The following CHRM3 variants were observed in gnomAD, a reference collection of about 807,000 sequenced individuals.
CHRM3 encodes the protein cholinergic receptor muscarinic 3, also known as muscarinic acetylcholine receptor M3.
CHRM3 carries 11 observed loss-of-function variants against 41.8 expected under a neutral mutation model. That is an observed-to-expected ratio of 0.26 (90% CI 0.17 to 0.44). The LOEUF (loss-of-function observed/expected upper bound fraction) is 0.44, where lower values mean the gene tolerates loss of function less well. CHRM3 is among the 20% of genes least tolerant of loss of function. The pLI is 1.00. For missense variants in CHRM3, 571 were observed against 745.4 expected (o/e 0.77, Z 2.72); for synonymous variants, 297 against 301.4 (o/e 0.99, Z 0.15).
intron 2 of CHRM3, among the ~76,000 whole-genome samples, chr1:239,539,688 G>A (rs1485336535): frequency 6.6e-6 from 1 of 152,088 alleles, no homozygotes; most frequent in Admixed American, 6.6e-5. Flanking sequence ...GGAGTGCAGG[G>A]GCCCCATCTT....
chr1:239,760,899 G>C (rs538720067), intron 5 of CHRM3, among the ~76,000 whole-genome samples: 1 of 152,070 alleles, frequency 6.6e-6, no homozygotes, highest in Non-Finnish European at 1.5e-5. Flanking sequence ...GAATCTATGC[G>C]CTTGTCGTTT....
At chr1:239,487,349 A>G (rs192186575) in intron 1 of CHRM3, among the ~76,000 whole-genome samples, 83 of 152,312 alleles carry the variant, frequency 5.4e-4, no homozygotes, top group Middle Eastern at 3.4e-3. Flanking sequence ...TTGAAAATAA[A>G]TGAAAAACCG....
chr1:239,833,936 C>T (rs1673089525), intron 6 of CHRM3, among the ~76,000 whole-genome samples: 1 of 152,120 alleles, frequency 6.6e-6, no homozygotes, highest in East Asian at 1.9e-4. Flanking sequence ...AAACAATGAG[C>T]TGTTTTTCTT....
chr1:239,740,457 TG>T (rs1664740920), intron 5 of CHRM3, among the ~76,000 whole-genome samples: 1 of 151,306 alleles, frequency 6.6e-6, no homozygotes, highest in East Asian at 1.9e-4. Flanking sequence ...ACATTGAGGG[TG>T]GTTTTTTTTT....
chr1:239,596,355 T>A (rs1167969008), intron 3 of CHRM3, among the ~76,000 whole-genome samples: 1 of 152,238 alleles, frequency 6.6e-6, no homozygotes, highest in Non-Finnish European at 1.5e-5. Flanking sequence ...TATTTAATTT[T>A]TTTTTAAGTG....
rs57653333 is a variant in CHRM3, at chr1:239,442,146, GT to G, written c.-520-50552del. Reference sequence around the variant, plus strand: ...TAAAGACAGTTTAAATATACGTTAGGTTTTTTTTTTTGAGATAGTTTTAATT... The same window carrying G: ...TAAAGACAGTTTAAATATACGTTAGGTTTTTTTTTTGAGATAGTTTTAATT... On this transcript the variant is annotated intron_variant, in intron 1 of 6. Coordinates refer to ENST00000676153, the MANE Select transcript of CHRM3 (RefSeq NM_001375978.1). 2.3e-3 allele frequency among the ~76,000 whole-genome samples: 340 copies of G among 149,484 alleles called. 2 individuals carry two copies. Among genetic ancestry groups the G allele is most frequent in the African/African-American group, 7.8e-3 (319 of 40,822 alleles).
At chr1:239,541,969 C>T (rs1353262050) in intron 2 of CHRM3, among the ~76,000 whole-genome samples, 1 of 152,148 alleles carries the variant, frequency 6.6e-6, no homozygotes, top group Non-Finnish European at 1.5e-5. Context: ...GAAGGAAATT[C>T]CTCTATTCAA....
chr1:239,861,377 G>T (rs1167578469), intron 6 of CHRM3, among the ~76,000 whole-genome samples: 1 of 152,082 alleles, frequency 6.6e-6, no homozygotes, highest in Non-Finnish European at 1.5e-5. Context: ...AAGGATAATT[G>T]TGTATTAACT....
intron 1 of CHRM3, among the ~76,000 whole-genome samples, chr1:239,403,116 A>G (rs1366318618): frequency 1.3e-5 from 2 of 152,208 alleles, no homozygotes; most frequent in Non-Finnish European, 2.9e-5. Context: ...CTTTAAATAA[A>G]TTATGTAAAT....
chr1:239,644,500 A>T lies in CHRM3; in HGVS notation c.-250+12214A>T, dbSNP rs560039618. ...ATTTGAGTTCCAGGTGCACAATGGGAATGCATCAGTGAAAGATCATTCTAT... is the reference window on the plus strand; with the variant it reads ...ATTTGAGTTCCAGGTGCACAATGGGTATGCATCAGTGAAAGATCATTCTAT... On this transcript the variant is annotated intron_variant, in intron 4 of 6. Transcript: ENST00000676153. 2.6e-5 allele frequency among the ~76,000 whole-genome samples: 4 copies of T among 152,304 alleles called. No individual in the cohort carries two copies. In the South Asian group the frequency reaches 8.3e-4, roughly 32 times the overall value.
chr1:239,835,554 G>T (rs1284033954), intron 6 of CHRM3, among the ~76,000 whole-genome samples: 1 of 152,168 alleles, frequency 6.6e-6, no homozygotes, highest in Non-Finnish European at 1.5e-5. Context: ...CTAAGAGATA[G>T]AGACTGATAA....
intron 1 of CHRM3, among the ~76,000 whole-genome samples, chr1:239,436,675 T>C (rs1366354805): frequency 6.6e-5 from 10 of 152,096 alleles, no homozygotes; most frequent in Admixed American, 6.6e-4. Flanking sequence ...CAGTTACTTT[T>C]TCTGTATGGT....
chr1:239,693,359 A>ATCTCTC (rs150257547), intron 5 of CHRM3, among the ~76,000 whole-genome samples: 5 of 150,872 alleles, frequency 3.3e-5, no homozygotes, highest in African/African-American at 1.2e-4. Context: ...TAAGGGTAGG[A>ATCTCTC]TCTCTCTCTC....
At chr1:239,886,965 C>T (rs1678124894) in intron 6 of CHRM3, among the ~76,000 whole-genome samples, 1 of 152,136 alleles carries the variant, frequency 6.6e-6, no homozygotes, top group South Asian at 2.1e-4. Flanking sequence ...TGTCCTCCAC[C>T]ACCCTCCCAT....
At chr1:239,434,579 T>A (rs576616580) in intron 1 of CHRM3, among the ~76,000 whole-genome samples, 2 of 152,318 alleles carry the variant, frequency 1.3e-5, no homozygotes, top group Admixed American at 1.3e-4. Flanking sequence ...GCAGGAACTG[T>A]GTCTTATTTA....
At chr1:239,576,315 G>A (rs932965485) in intron 3 of CHRM3, among the ~76,000 whole-genome samples, 10 of 151,962 alleles carry the variant, frequency 6.6e-5, no homozygotes, top group Non-Finnish European at 1.3e-4. Context: ...ACTTACACGT[G>A]AAATTATAGT....
chr1:239,623,498 A>ATG, intron 3 of CHRM3, among the ~76,000 whole-genome samples: 1 of 126,780 alleles, frequency 7.9e-6, no homozygotes, highest in East Asian at 2.5e-4. Context: ...TTTTTTTTTA[A>ATG]TTTTTTTTTT....
intron 5 of CHRM3, among the ~76,000 whole-genome samples, chr1:239,688,668 ATAT>A (rs961193035): frequency 1.5e-3 from 194 of 133,466 alleles, no homozygotes; most frequent in African/African-American, 4.8e-3. Context: ...ATAATATATA[ATAT>A]TATATGTTAT....
intron 5 of CHRM3, among the ~76,000 whole-genome samples, chr1:239,683,225 T>G (rs1235886060): frequency 6.6e-6 from 1 of 152,136 alleles, no homozygotes; most frequent in Non-Finnish European, 1.5e-5. Flanking sequence ...GTGGAATGAG[T>G]AAATGAATAA....
Sources: allele counts gnomAD v4.1 joint callset (sites outside exome capture counted in the v4.1 genomes callset), GRCh38; gene constraint gnomAD v4.1.1; transcripts MANE v1.5; gene names NCBI Gene and HGNC (gene_info 2026-07-23, HGNC 2026-07-21).